KALRN: variants seen among roughly 807,000 people sequenced by gnomAD.
KALRN encodes the protein kalirin RhoGEF kinase.
A neutral mutation model predicts 353.7 loss-of-function variants in KALRN; 70 were observed. That is an observed-to-expected ratio of 0.20 (90% CI 0.16 to 0.24). The LOEUF is 0.24. Among genes scored for constraint, KALRN ranks in the 10% least tolerant of loss-of-function variants. The pLI, the probability that KALRN is intolerant of heterozygous loss-of-function variation, is 1.00. For synonymous variants in KALRN, 1,391 were observed against 1,434.8 expected (o/e 0.97, Z 0.69); for missense variants, 2,791 against 3,756.7 (o/e 0.74, Z 6.72).
intron 10 of KALRN, among the ~76,000 whole-genome samples, chr3:124,358,035 T>A (rs1266198173): frequency 6.6e-6 from 1 of 152,150 alleles, no homozygotes; most frequent in Non-Finnish European, 1.5e-5. Flanking sequence ...GGAACATAAC[T>A]GAGTACTCTC....
chr3:124,668,336 G>A (rs985978766), intron 47 of KALRN, among the ~76,000 whole-genome samples: 6 of 152,194 alleles, frequency 3.9e-5, no homozygotes, highest in East Asian at 1.9e-4. Flanking sequence ...GGTGCCATAC[G>A]AGTTGAGGAC....
intron 6 of KALRN, among the ~76,000 whole-genome samples, chr3:124,316,444 AACTCCACTT>A (rs1326816828): frequency 6.6e-6 from 1 of 152,172 alleles, no homozygotes; most frequent in Non-Finnish European, 1.5e-5. Context: ...CAATAGACTG[AACTCCACTT>A]ACTTTTCACA....
intron 10 of KALRN, among the ~76,000 whole-genome samples, chr3:124,377,532 G>T (rs1240709888): frequency 6.6e-6 from 1 of 152,098 alleles, no homozygotes; most frequent in Non-Finnish European, 1.5e-5. Context: ...CTGTTGGGGT[G>T]GGGGTGGAGT....
At chr3:124,185,581 G>C (rs972295133) in intron 1 of KALRN, among the ~76,000 whole-genome samples, 1 of 152,174 alleles carries the variant, frequency 6.6e-6, no homozygotes, top group African/African-American at 2.4e-5. Flanking sequence ...GGTCTGTCTG[G>C]TGCTGACTCT....
At chr3:124,461,753 A>C in intron 23 of KALRN, 137 bp from the exon 24 acceptor site, 1 of 639,598 alleles carries the variant, frequency 1.6e-6, no homozygotes. Context: ...AATTTTGAAG[A>C]AAGGAAAAGA....
intron 37 of KALRN, among the ~76,000 whole-genome samples, chr3:124,642,873 A>G (rs1206845785): frequency 1.5e-5 from 2 of 130,694 alleles, no homozygotes; most frequent in Non-Finnish European, 3.1e-5. Flanking sequence ...CTGGAGTGCA[A>G]TGGCGTGATC....
At chr3:124,365,884 G>C (rs1306754497) in intron 10 of KALRN, among the ~76,000 whole-genome samples, 3 of 152,190 alleles carry the variant, frequency 2.0e-5, no homozygotes, top group Admixed American at 6.5e-5. Context: ...TAGGCTCTAG[G>C]GGTGTGATCA....
chr3:124,406,188 G>A (rs185138494), intron 13 of KALRN, among the ~76,000 whole-genome samples: 9 of 152,198 alleles, frequency 5.9e-5, no homozygotes, highest in Admixed American at 2.6e-4. Flanking sequence ...ATTCCCAAAG[G>A]TCTTTAGCTA....
At chr3:124,581,231 G>A (rs1261828102) in intron 34 of KALRN, among the ~76,000 whole-genome samples, 2 of 152,012 alleles carry the variant, frequency 1.3e-5, no homozygotes, top group African/African-American at 4.8e-5. Context: ...GCTCACGCCT[G>A]TAATCCCAAA....
chr3:124,256,997 A>G (rs2072102780), intron 3 of KALRN, among the ~76,000 whole-genome samples: 1 of 152,216 alleles, frequency 6.6e-6, no homozygotes, highest in South Asian at 2.1e-4. Context: ...AAAAAGAACC[A>G]GACATTTACT....
At chr3:124,062,008 G>C (rs758653127) in intron 1 of KALRN, among the ~76,000 whole-genome samples, 1 of 152,174 alleles carries the variant, frequency 6.6e-6, no homozygotes, top group Non-Finnish European at 1.5e-5. Context: ...TCACCTGGGA[G>C]CTTGTTAGAA....
chr3:124,580,761 T>C (rs1197932556), intron 34 of KALRN, among the ~76,000 whole-genome samples: 7 of 152,004 alleles, frequency 4.6e-5, no homozygotes, highest in Non-Finnish European at 1.0e-4. Flanking sequence ...CAGTAAGTAT[T>C]TGATGAATTA....
In KALRN at chr3:124,037,926, G is replaced by T. The variant is rs542393055; in HGVS notation, c.73+4113G>T. Reference sequence around the variant, plus strand: ...TAGCTTTGGACATGAAGCATGGGGGGGGCGACTCAGGGAAATCCAGATGGA... The same window carrying T: ...TAGCTTTGGACATGAAGCATGGGGGTGGCGACTCAGGGAAATCCAGATGGA... On this transcript the variant is annotated intron_variant, in intron 1 of 59. Transcript: ENST00000682506. Among the ~76,000 whole-genome samples, 5 of 152,248 alleles carry T rather than the reference G, an allele frequency of 3.3e-5. No individual in the cohort carries two copies. In the South Asian group the frequency reaches 6.2e-4, roughly 19 times the overall value.
At chr3:124,185,296 G>A (rs892960501) in intron 1 of KALRN, among the ~76,000 whole-genome samples, 3 of 152,216 alleles carry the variant, frequency 2.0e-5, no homozygotes, top group East Asian at 1.9e-4. Flanking sequence ...GATTACAGGC[G>A]TGAGCCACTG....
intron 10 of KALRN, among the ~76,000 whole-genome samples, chr3:124,360,029 A>G (rs2149676046): frequency 6.6e-6 from 1 of 152,372 alleles, no homozygotes; most frequent in Non-Finnish European, 1.5e-5. Flanking sequence ...AAGGAAAGCC[A>G]ATAGAGTAAT....
intron 5 of KALRN, among the ~76,000 whole-genome samples, chr3:124,290,269 G>T (rs571958264): frequency 1.3e-5 from 2 of 152,118 alleles, no homozygotes; most frequent in African/African-American, 2.4e-5. Context: ...CCTGGTCTTG[G>T]GGGGCAGACA....
chr3:124,674,637 C>G, intron 49 of KALRN, 23 bp downstream of exon 49: 2 of 1,548,308 alleles, frequency 1.3e-6, no homozygotes, highest in East Asian at 2.3e-5. Flanking sequence ...TTGGCTTCCC[C>G]GGGAGAGGAG....
intron 1 of KALRN, among the ~76,000 whole-genome samples, chr3:124,161,142 A>C (rs1452176370): frequency 6.6e-6 from 1 of 152,214 alleles, no homozygotes; most frequent in Admixed American, 6.5e-5. Flanking sequence ...TATGCTATCT[A>C]TTTTACCATG....
chr3:124,550,685 T>C (rs33926252), intron 33 of KALRN, among the ~76,000 whole-genome samples: 13,038 of 152,100 alleles, frequency 0.086, 761 homozygotes, highest in East Asian at 0.19. Context: ...AGAGCCAGTC[T>C]GAATTGAAAA....
Sources: allele counts gnomAD v4.1 joint callset (sites outside exome capture counted in the v4.1 genomes callset), GRCh38; gene constraint gnomAD v4.1.1; transcripts MANE v1.5; gene names NCBI Gene and HGNC (gene_info 2026-07-23, HGNC 2026-07-21).